Variants in GDPD5 observed in about 807,000 individuals in gnomAD.
GDPD5 encodes the protein glycerophosphodiester phosphodiesterase 2.
In GDPD5, 48 loss-of-function variants were observed where a neutral mutation model predicts 75.1. The observed-to-expected ratio is 0.64, with a 90% CI of 0.51 to 0.81. GDPD5 has a LOEUF of 0.81. Ranked by LOEUF, GDPD5 falls within the 40% of genes least tolerant of loss-of-function variation. The probability of loss-of-function intolerance (pLI) is 0.00; values close to 1 mark genes in which losing one functional copy is unlikely to be tolerated. For synonymous variants in GDPD5, 336 were observed against 339.0 expected, an observed-to-expected ratio of 0.99 and a Z score of 0.10; for missense variants, 706 against 822.6, an observed-to-expected ratio of 0.86 and a Z score of 1.73.
intron 14 of GDPD5, 114 bp from the exon 15 acceptor site, chr11:75,440,075 G>A (rs1948745066): frequency 2.7e-6 from 2 of 729,844 alleles, no homozygotes; most frequent in Non-Finnish European, 4.7e-6. Context: ...AAGGGCAAGG[G>A]AGGACCCTGA....
chr11:75,469,554 T>C (rs1474501132), intron 3 of GDPD5, among the ~76,000 whole-genome samples: 1 of 152,134 alleles, frequency 6.6e-6, no homozygotes, highest in Non-Finnish European at 1.5e-5. Flanking sequence ...CTGACCAAGG[T>C]GGAAACAGGC....
In GDPD5 at chr11:75,471,150, A is replaced by C. The variant is rs533143218; in HGVS notation, c.117+6469T>G. Among the ~76,000 whole-genome samples, 20 of 152,344 alleles carry C rather than the reference A, an allele frequency of 1.3e-4. No individual in the cohort carries two copies. In the South Asian group the frequency reaches 4.1e-3, roughly 32 times the overall value. On this transcript the variant is annotated intron_variant, in intron 3 of 16. Transcript: ENST00000336898. Reference sequence around the variant, plus strand: ...GCCTGTTCCACCTTCACCAAGTTCCAAATGAGGGGACTGATGCACGGGAAA... The same window carrying C: ...GCCTGTTCCACCTTCACCAAGTTCCCAATGAGGGGACTGATGCACGGGAAA...
chr11:75,437,168 A>C, intron 15 of GDPD5, 120 bp from the exon 16 acceptor site: 1 of 699,266 alleles, frequency 1.4e-6, no homozygotes, highest in South Asian at 1.7e-5. Context: ...CTCTTGTCCC[A>C]CTGTACAATG....
intron 3 of GDPD5, among the ~76,000 whole-genome samples, chr11:75,467,504 G>A (rs1949542778): frequency 6.6e-6 from 1 of 152,178 alleles, no homozygotes; most frequent in Non-Finnish European, 1.5e-5. Context: ...GCCACCAGTG[G>A]GCAGGGCCAT....
chr11:75,445,933 G>C (rs1418161364), intron 9 of GDPD5, among the ~76,000 whole-genome samples: 1 of 152,248 alleles, frequency 6.6e-6, no homozygotes, highest in Non-Finnish European at 1.5e-5. Flanking sequence ...TCTCAGTAAT[G>C]AGTTTCTTTC....
At chr11:75,517,263 T>C (rs532426993) in intron 1 of GDPD5, 1 of 152,268 alleles carries the variant, frequency 6.6e-6, no homozygotes, top group South Asian at 2.1e-4. Context: ...GAGACCAGCC[T>C]AACCAACATA....
chr11:75,468,741 T>G (rs1409086724), intron 3 of GDPD5, among the ~76,000 whole-genome samples: 1 of 151,982 alleles, frequency 6.6e-6, no homozygotes, highest in East Asian at 1.9e-4. Flanking sequence ...CAGCTGGTTC[T>G]CTGATACCAC....
At chr11:75,507,693 G>A (rs1402967236) in intron 1 of GDPD5, among the ~76,000 whole-genome samples, 1 of 152,212 alleles carries the variant, frequency 6.6e-6, no homozygotes, top group Non-Finnish European at 1.5e-5. Context: ...TCACACCCAA[G>A]GCTGGCCAGT....
chr11:75,455,188 G>C, intron 6 of GDPD5: 1 of 410,920 alleles, frequency 2.4e-6, no homozygotes, highest in Admixed American at 2.7e-5. Flanking sequence ...CTAGAATCAA[G>C]CATGTGTGAC....
At chr11:75,447,312 T>C (rs530406972) in intron 9 of GDPD5, among the ~76,000 whole-genome samples, 1 of 152,328 alleles carries the variant, frequency 6.6e-6, no homozygotes, top group South Asian at 2.1e-4. Flanking sequence ...AAAAGGAAAT[T>C]GAACATGGAT....
intron 1 of GDPD5, among the ~76,000 whole-genome samples, chr11:75,493,684 G>T (rs112471941): frequency 1.6e-4 from 24 of 152,248 alleles, no homozygotes; most frequent in Admixed American, 1.2e-3. Context: ...GTGCAGCAGG[G>T]GGGGGCCTAA....
At chr11:75,453,486 C>A (rs1949216006) in intron 6 of GDPD5, among the ~76,000 whole-genome samples, 1 of 151,942 alleles carries the variant, frequency 6.6e-6, no homozygotes, top group African/African-American at 2.4e-5. Flanking sequence ...GGGCTGGTGG[C>A]CGGTGCCTGT....
At chr11:75,520,790 G>C (rs1375869257) in intron 1 of GDPD5, among the ~76,000 whole-genome samples, 1 of 152,236 alleles carries the variant, frequency 6.6e-6, no homozygotes, top group Non-Finnish European at 1.5e-5. Flanking sequence ...AAAGGGAGGA[G>C]AAGCTGGCTG....
At chr11:75,498,589 G>A (rs1391955938) in intron 1 of GDPD5, among the ~76,000 whole-genome samples, 1 of 152,220 alleles carries the variant, frequency 6.6e-6, no homozygotes, top group East Asian at 1.9e-4. Flanking sequence ...GGGCTGGGAG[G>A]GACCTGGACT....
At chr11:75,453,861 C>A (rs1425565151) in intron 6 of GDPD5, among the ~76,000 whole-genome samples, 1 of 151,998 alleles carries the variant, frequency 6.6e-6, no homozygotes, top group African/African-American at 2.4e-5. Context: ...TCACACTATA[C>A]CCCAAAATAG....
At chr11:75,522,891 AG>A (rs975020848) in intron 1 of GDPD5, among the ~76,000 whole-genome samples, 29 of 151,956 alleles carry the variant, frequency 1.9e-4, no homozygotes, top group African/African-American at 6.0e-4. Flanking sequence ...AAGCCAAGGG[AG>A]GGGGTAAGAA....
intron 9 of GDPD5, among the ~76,000 whole-genome samples, chr11:75,447,441 T>C (rs1949013973): frequency 6.6e-6 from 1 of 152,122 alleles, no homozygotes; most frequent in Admixed American, 6.5e-5. Flanking sequence ...CTGAAGTGCC[T>C]ATGGGTAAGA....
chr11:75,524,351 C>T (rs1237723198), intron 1 of GDPD5, among the ~76,000 whole-genome samples: 1 of 152,246 alleles, frequency 6.6e-6, no homozygotes, highest in African/African-American at 2.4e-5. Context: ...AGGGAAAGCC[C>T]CAGCCACCTA....
At chr11:75,470,022 A>C (rs1360961481) in intron 3 of GDPD5, among the ~76,000 whole-genome samples, 2 of 152,226 alleles carry the variant, frequency 1.3e-5, no homozygotes, top group Non-Finnish European at 2.9e-5. Flanking sequence ...TGTGGTGAGC[A>C]GGGCAAACAC....
Sources: gnomAD v4.1 joint callset for allele counts (sites outside exome capture counted in the v4.1 genomes callset) on GRCh38, gnomAD v4.1.1 for gene constraint, MANE v1.5 for transcripts, NCBI Gene and HGNC (gene_info 2026-07-23, HGNC 2026-07-21) for gene names.